The following TEC variants were observed in gnomAD, a reference collection of about 807,000 sequenced individuals.
The protein encoded by TEC is tec protein tyrosine kinase.
A neutral mutation model predicts 93.0 loss-of-function variants in TEC; 72 were observed. That is an observed-to-expected ratio of 0.77 (90% CI 0.64 to 0.94). The LOEUF is 0.94. Ranked by LOEUF, TEC falls within the 40% of genes least tolerant of loss-of-function variation. TEC has a pLI of 0.00. For synonymous variants in TEC, 249 were observed against 247.7 expected (o/e 1.01, Z -0.05); for missense variants, 630 against 757.9 (o/e 0.83, Z 1.98).
intron 2 of TEC, among the ~76,000 whole-genome samples, chr4:48,210,971 C>T (rs1722881453): frequency 6.6e-6 from 1 of 152,158 alleles, no homozygotes; most frequent in Non-Finnish European, 1.5e-5. Context: ...ACTTACCTAC[C>T]AGGACCTATC....
At chr4:48,160,594 G>C (rs1474583821) in intron 8 of TEC, among the ~76,000 whole-genome samples, 1 of 151,888 alleles carries the variant, frequency 6.6e-6, no homozygotes, top group African/African-American at 2.4e-5. Flanking sequence ...GGGTGTGGTA[G>C]TGGGCACCTG....
chr4:48,252,268 A>G (rs1724224112), intron 1 of TEC, among the ~76,000 whole-genome samples: 1 of 152,258 alleles, frequency 6.6e-6, no homozygotes, highest in South Asian at 2.1e-4. Flanking sequence ...ATTACTCAGC[A>G]TTAGTGATGA....
intron 2 of TEC, among the ~76,000 whole-genome samples, chr4:48,212,457 C>G (rs182492138): frequency 3.2e-4 from 48 of 152,280 alleles, no homozygotes; most frequent in African/African-American, 1.1e-3. Flanking sequence ...TTCGCCTCCT[C>G]AGATGGGATG....
intron 2 of TEC, among the ~76,000 whole-genome samples, chr4:48,208,577 A>C (rs1722790375): frequency 6.9e-6 from 1 of 145,828 alleles, no homozygotes; most frequent in Non-Finnish European, 1.5e-5. Context: ...AGCATTTCCC[A>C]CCTCCCTGGG....
intron 1 of TEC, among the ~76,000 whole-genome samples, chr4:48,254,039 T>C (rs1481733694): frequency 6.6e-6 from 1 of 152,202 alleles, no homozygotes; most frequent in Non-Finnish European, 1.5e-5. Context: ...GAAATCCTAT[T>C]CATTTTTCAA....
chr4:48,230,578 C>T (rs1723618645), intron 1 of TEC, among the ~76,000 whole-genome samples: 1 of 152,152 alleles, frequency 6.6e-6, no homozygotes, highest in Admixed American at 6.5e-5. Context: ...ACTGCCTATC[C>T]ATCACTCCCA....
chr4:48,146,586 G>A (rs1425062088), intron 11 of TEC, among the ~76,000 whole-genome samples, 187 bp from the exon 12 acceptor site: 3 of 152,224 alleles, frequency 2.0e-5, no homozygotes, highest in Admixed American at 6.5e-5. Context: ...ATACTACAGT[G>A]TTTAACAGGC....
intron 1 of TEC, among the ~76,000 whole-genome samples, chr4:48,255,438 G>T (rs1393404677): frequency 2.0e-5 from 3 of 152,164 alleles, no homozygotes; most frequent in South Asian, 2.1e-4. Context: ...TGAATCACAT[G>T]ATCATCCCTG....
intron 2 of TEC, among the ~76,000 whole-genome samples, chr4:48,209,114 CTTA>C (rs1035775038): frequency 1.3e-5 from 2 of 152,230 alleles, no homozygotes; most frequent in African/African-American, 4.8e-5. Flanking sequence ...GAACACACAG[CTTA>C]TAACTTTCTC....
chr4:48,229,359 A>G (rs1723580876), intron 1 of TEC, among the ~76,000 whole-genome samples: 1 of 152,234 alleles, frequency 6.6e-6, no homozygotes, highest in African/African-American at 2.4e-5. Context: ...TCATACCTAG[A>G]CTGAGCCTTT....
chr4:48,180,200 G>A (rs1317588535), intron 2 of TEC, among the ~76,000 whole-genome samples: 6 of 152,076 alleles, frequency 3.9e-5, no homozygotes, highest in Non-Finnish European at 7.4e-5. Flanking sequence ...AATTACTTTT[G>A]CACCAACCTA....
At position 48,215,761 on chromosome 4, in the gene TEC, C is replaced by A. The variant is rs530400468; in HGVS notation, c.138+12716G>T. Among the ~76,000 whole-genome samples, 8 of 152,246 alleles carry A rather than the reference C, an allele frequency of 5.3e-5. No homozygotes were observed. In the East Asian group the frequency reaches 1.5e-3, roughly 29 times the overall value. On this transcript the variant is annotated intron_variant, in intron 2 of 17. Transcript: ENST00000381501. ...CACTAGATGGTATCCATTATAACAA[C>A]CATATTATTGACACTGTATAGAATT...
chr4:48,249,093 G>A (rs1724133071), intron 1 of TEC, among the ~76,000 whole-genome samples: 1 of 152,028 alleles, frequency 6.6e-6, no homozygotes, highest in African/African-American at 2.4e-5. Context: ...AATTTTCCCT[G>A]TCACTAAACT....
At chr4:48,182,284 C>A (rs373311280) in intron 2 of TEC, among the ~76,000 whole-genome samples, 68 of 140,936 alleles carry the variant, frequency 4.8e-4, no homozygotes, top group Admixed American at 5.6e-4. Flanking sequence ...GACTCCATCT[C>A]AAAAAAAAAA....
At chr4:48,145,699 A>T in intron 12 of TEC, 120 bp from the exon 13 acceptor site, 6 of 1,078,946 alleles carry the variant, frequency 5.6e-6, no homozygotes, top group Non-Finnish European at 8.0e-6. Context: ...ACACTGTAAT[A>T]ATTCCTGGTA....
chr4:48,267,457 G>C (rs1268899452), intron 1 of TEC, among the ~76,000 whole-genome samples: 1 of 152,192 alleles, frequency 6.6e-6, no homozygotes, highest in African/African-American at 2.4e-5. Flanking sequence ...CTTCTGGGTT[G>C]TTTCTTATTT....
chr4:48,187,765 A>G (rs1157340662), intron 2 of TEC, among the ~76,000 whole-genome samples: 1 of 152,258 alleles, frequency 6.6e-6, no homozygotes, highest in Non-Finnish European at 1.5e-5. Flanking sequence ...TTTAATTCTT[A>G]ACATTAGTAG....
At chr4:48,251,167 C>T (rs538003981) in intron 1 of TEC, among the ~76,000 whole-genome samples, 2 of 152,188 alleles carry the variant, frequency 1.3e-5, no homozygotes, top group African/African-American at 2.4e-5. Flanking sequence ...TAGTATATGA[C>T]CTACTTCTCT....
At chr4:48,213,521 G>C (rs1722977448) in intron 2 of TEC, among the ~76,000 whole-genome samples, 1 of 152,142 alleles carries the variant, frequency 6.6e-6, no homozygotes, top group Non-Finnish European at 1.5e-5. Context: ...TCCTAAAAAA[G>C]TAATAATAGA....
Sources: allele counts gnomAD v4.1 joint callset (sites outside exome capture counted in the v4.1 genomes callset), GRCh38; gene constraint gnomAD v4.1.1; transcripts MANE v1.5; gene names NCBI Gene and HGNC (gene_info 2026-07-23, HGNC 2026-07-21).